BNC2: variants seen among roughly 807,000 people sequenced by gnomAD.
BNC2 encodes zinc finger protein basonuclin-2.
In BNC2, 20 loss-of-function variants were observed where a neutral mutation model predicts 76.3. The observed-to-expected ratio is 0.26, with a 90% CI of 0.18 to 0.38. The LOEUF (loss-of-function observed/expected upper bound fraction) is 0.38. Among genes scored for constraint, BNC2 ranks in the 10% least tolerant of loss-of-function variants. The probability of loss-of-function intolerance (pLI) is 1.00; values close to 1 mark genes in which losing one functional copy is unlikely to be tolerated. For missense variants in BNC2, 1,382 were observed against 1,399.8 expected (o/e 0.99, Z 0.20); for synonymous variants, 582 against 514.8 (o/e 1.13, Z -1.77).
chr9:16,438,473 C>G (rs1385335798), intron 5 of BNC2, among the ~76,000 whole-genome samples: 1 of 152,106 alleles, frequency 6.6e-6, no homozygotes, highest in African/African-American at 2.4e-5. Flanking sequence ...TTCATTTTTG[C>G]CAGTAACTAT....
chr9:16,525,058 A>G (rs1281719604), intron 5 of BNC2, among the ~76,000 whole-genome samples: 6 of 132,370 alleles, frequency 4.5e-5, no homozygotes, highest in Non-Finnish European at 9.9e-5. Flanking sequence ...GGTGACAGAC[A>G]GAGACCCGGA....
rs921152529 is a variant in BNC2 at position 16,412,876 on chromosome 9, T to C, written c.*6113A>G. The C allele has an allele frequency of 6.6e-6, 1 of 152,638 alleles. No individual in the cohort carries two copies. Among genetic ancestry groups the C allele is most frequent in the African/African-American group, 2.4e-5 (1 of 41,446 alleles). The allele number at this position is 152,638 out of a possible 1,614,324, so 9.5% of individuals were successfully genotyped here. ...ATAAACAGGCAATTACGCATCCTTT[T>C]ATATTTGATGGCCAAGTGCTGAACT... is the stretch of plus-strand genomic sequence containing the variant. On this transcript the variant is annotated 3_prime_UTR_variant, in exon 7 of 7. Coordinates refer to ENST00000380672, the MANE Select transcript of BNC2 (RefSeq NM_017637.6).
At chr9:16,667,570 T>C (rs10962530) in intron 3 of BNC2, among the ~76,000 whole-genome samples, 63,224 of 152,108 alleles carry the variant, frequency 0.42, 17,284 homozygotes, top group Non-Finnish European at 0.62. Flanking sequence ...AATAATACTT[T>C]CAACTTCTTC....
At chr9:16,784,669 G>A (rs1826235100) in intron 1 of BNC2, among the ~76,000 whole-genome samples, 1 of 152,176 alleles carries the variant, frequency 6.6e-6, no homozygotes, top group African/African-American at 2.4e-5. Context: ...GTTTTTAAAA[G>A]CCTCCAATCT....
chr9:16,737,061 C>T (rs1028914500), intron 2 of BNC2, among the ~76,000 whole-genome samples: 1 of 152,016 alleles, frequency 6.6e-6, no homozygotes, highest in Non-Finnish European at 1.5e-5. Context: ...CTGCCTCAGC[C>T]TCCCAAAGTG....
chr9:16,469,719 C>A (rs1008262650), intron 5 of BNC2, among the ~76,000 whole-genome samples: 1 of 152,154 alleles, frequency 6.6e-6, no homozygotes, highest in Non-Finnish European at 1.5e-5. Flanking sequence ...TTTGGAACTT[C>A]CTAGAGATGT....
chr9:16,541,283 A>G (rs1234574846), intron 5 of BNC2, among the ~76,000 whole-genome samples: 1 of 152,208 alleles, frequency 6.6e-6, no homozygotes, highest in Non-Finnish European at 1.5e-5. Context: ...AAAGGGGGAA[A>G]AAGTTTTTTA....
At chr9:16,431,909 G>T (rs1820916763) in intron 6 of BNC2, among the ~76,000 whole-genome samples, 1 of 152,160 alleles carries the variant, frequency 6.6e-6, no homozygotes, top group African/African-American at 2.4e-5. Context: ...GTGGAGCTCA[G>T]GCAGTAATGC....
At chr9:16,724,977 A>G (rs1824267104) in intron 3 of BNC2, among the ~76,000 whole-genome samples, 1 of 152,236 alleles carries the variant, frequency 6.6e-6, no homozygotes, top group Admixed American at 6.5e-5. Flanking sequence ...AAATAACCCA[A>G]TAAATTTTAT....
intron 1 of BNC2, among the ~76,000 whole-genome samples, chr9:16,826,595 T>C (rs976171657): frequency 1.6e-4 from 25 of 152,214 alleles, no homozygotes; most frequent in African/African-American, 6.0e-4. Context: ...TTCTATCTTT[T>C]GGACTCTTTT....
intron 1 of BNC2, among the ~76,000 whole-genome samples, chr9:16,853,771 G>A (rs1586937609): frequency 2.0e-5 from 3 of 152,178 alleles, no homozygotes; most frequent in Admixed American, 1.3e-4. Context: ...GGGAGGGTGA[G>A]GCAGGAGAAC....
intron 3 of BNC2, among the ~76,000 whole-genome samples, chr9:16,583,307 G>A (rs1460745083): frequency 6.6e-6 from 1 of 151,992 alleles, no homozygotes; most frequent in African/African-American, 2.4e-5. Context: ...GTCATTCACA[G>A]TAACCTTTAA....
chr9:16,784,258 T>C (rs972279624), intron 1 of BNC2, among the ~76,000 whole-genome samples: 2 of 152,102 alleles, frequency 1.3e-5, no homozygotes, highest in East Asian at 1.9e-4. Flanking sequence ...GGGTTCAGAG[T>C]ATTCAGGGGA....
At chr9:16,794,896 G>A (rs922273053) in intron 1 of BNC2, among the ~76,000 whole-genome samples, 1 of 133,876 alleles carries the variant, frequency 7.5e-6, no homozygotes, top group African/African-American at 2.9e-5. Context: ...CTTATCTGAT[G>A]GGGGAAAAAA....
Position 16,681,420 on chromosome 9 carries a change from G to C in BNC2, c.330+46377C>G, listed in dbSNP as rs192733752. ...GGCAGATGTGGAAAGGAGATGAAAT[G>C]GGCAAGGGAGAATCAAATATCCCAT... is the stretch of plus-strand genomic sequence containing the variant. On this transcript the variant is annotated intron_variant, in intron 3 of 6. Coordinates refer to ENST00000380672, the MANE Select transcript of BNC2 (RefSeq NM_017637.6). Among the ~76,000 whole-genome samples the C allele has an allele frequency of 2.6e-5, 4 of 152,238 alleles. No homozygotes were observed. In the South Asian group the frequency reaches 6.2e-4, roughly 24 times the overall value.
intron 4 of BNC2, among the ~76,000 whole-genome samples, chr9:16,561,920 C>T (rs538118696): frequency 1.6e-4 from 25 of 152,092 alleles, no homozygotes; most frequent in Non-Finnish European, 3.1e-4. Flanking sequence ...GGGAGGATCA[C>T]TTGAGCCCAC....
intron 3 of BNC2, among the ~76,000 whole-genome samples, chr9:16,667,351 T>C (rs1822330491): frequency 6.6e-6 from 1 of 152,186 alleles, no homozygotes; most frequent in Non-Finnish European, 1.5e-5. Flanking sequence ...ACAATCAAGC[T>C]CTTGTTAGTT....
At chr9:16,691,935 C>T (rs1011359635) in intron 3 of BNC2, among the ~76,000 whole-genome samples, 3 of 151,790 alleles carry the variant, frequency 2.0e-5, no homozygotes, top group East Asian at 1.9e-4. Flanking sequence ...CTCATTCTCC[C>T]GAGTAGCTGG....
chr9:16,699,660 T>C (rs552019980), intron 3 of BNC2, among the ~76,000 whole-genome samples: 3 of 152,358 alleles, frequency 2.0e-5, no homozygotes, highest in South Asian at 4.1e-4. Context: ...TTGGTCTAAC[T>C]AACCCTCTCT....
Sources: allele counts gnomAD v4.1 joint callset (sites outside exome capture counted in the v4.1 genomes callset), GRCh38; gene constraint gnomAD v4.1.1; transcripts MANE v1.5; gene names NCBI Gene and HGNC (gene_info 2026-07-23, HGNC 2026-07-21).